The following NEGR1 variants were observed in gnomAD, a reference collection of about 807,000 sequenced individuals.
The protein encoded by NEGR1 is neuronal growth regulator 1.
NEGR1 carries 10 observed loss-of-function variants against 40.9 expected under a neutral mutation model. The ratio of observed to expected loss-of-function variants is 0.24; its 90% CI spans 0.15 to 0.42. The LOEUF is 0.42. Ranked by LOEUF, NEGR1 falls within the 10% of genes least tolerant of loss-of-function variation. NEGR1 has a pLI of 1.00. For synonymous variants in NEGR1, 185 were observed against 166.8 expected, an observed-to-expected ratio of 1.11 and a Z score of -0.84; for missense variants, 352 against 438.9, an observed-to-expected ratio of 0.80 and a Z score of 1.77.
chr1:72,148,014 A>G (rs1188368439), intron 1 of NEGR1, among the ~76,000 whole-genome samples: 2 of 151,976 alleles, frequency 1.3e-5, no homozygotes, highest in African/African-American at 4.8e-5. Context: ...TTCCAGGTGC[A>G]TGGTGCAAGC....
intron 1 of NEGR1, among the ~76,000 whole-genome samples, chr1:72,239,942 A>G (rs1451279723): frequency 6.6e-6 from 1 of 151,838 alleles, no homozygotes; most frequent in Non-Finnish European, 1.5e-5. Context: ...AGGTCATGGA[A>G]AATGTGTATT....
intron 6 of NEGR1, among the ~76,000 whole-genome samples, chr1:71,423,591 A>G (rs1233121200): frequency 6.6e-6 from 1 of 152,170 alleles, no homozygotes; most frequent in Non-Finnish European, 1.5e-5. Flanking sequence ...GTCCTTTTCC[A>G]GCATTTCAAA....
At chr1:71,857,744 TTTA>T (rs2101819707) in intron 2 of NEGR1, among the ~76,000 whole-genome samples, 1 of 151,988 alleles carries the variant, frequency 6.6e-6, no homozygotes, top group African/African-American at 2.4e-5. Context: ...ATATGGTGCT[TTTA>T]TTATCTTTTG....
At chr1:71,501,128 G>A (rs570892435) in intron 6 of NEGR1, among the ~76,000 whole-genome samples, 31 of 151,988 alleles carry the variant, frequency 2.0e-4, no homozygotes, top group Non-Finnish European at 4.0e-4. Context: ...GATTGTCAAT[G>A]TATCTATTTA....
rs57576840 is a variant in NEGR1, at chr1:71,780,040, C to CAAAAA, written c.410-3748_410-3744dup. ...GTGCTAAGCACTTGCATAGGAAAAC[C>CAAAAA]AAAAAAAAAAAAAAAAAAAAAAAAA... On this transcript the variant is annotated intron_variant, in intron 2 of 6. Transcript: ENST00000357731. Among the ~76,000 whole-genome samples the CAAAAA allele has an allele frequency of 1.9e-4, 19 of 99,730 alleles. 1 individual carries two copies. The highest frequency in any genetic ancestry group is 6.1e-4 in the African/African-American group (13 of 21,208). 65.4% of individuals were successfully genotyped at this position (99,730 alleles called of 152,430 possible).
Position 72,078,639 on chromosome 1 carries a change from T to TATA in NEGR1, c.177-143329_177-143328insTAT, listed in dbSNP as rs568891295. 7.9e-3 allele frequency among the ~76,000 whole-genome samples: 978 copies of TATA among 123,556 alleles called. 11 individuals carry two copies. Among genetic ancestry groups the TATA allele is most frequent in the African/African-American group, 0.027 (921 of 33,710 alleles). 81.1% of individuals were successfully genotyped at this position (123,556 alleles called of 152,430 possible). A position where few individuals can be genotyped will look rare whatever the true frequency, so the allele number is the denominator to read the frequency against. On this transcript the variant is annotated intron_variant, in intron 1 of 6. Transcript: ENST00000357731. ...TACACTCATATATATATATATATAT[T>TATA]TATTTATTTTTTTTTTTGAGATGGA... is the stretch of plus-strand genomic sequence containing the variant.
At chr1:71,501,250 G>A (rs1020065466) in intron 6 of NEGR1, among the ~76,000 whole-genome samples, 5 of 152,012 alleles carry the variant, frequency 3.3e-5, no homozygotes, top group African/African-American at 7.2e-5. Flanking sequence ...GCATATATAC[G>A]CAAATGATTT....
intron 1 of NEGR1, among the ~76,000 whole-genome samples, chr1:72,108,191 C>T (rs1263670209): frequency 6.6e-6 from 1 of 151,526 alleles, no homozygotes; most frequent in Non-Finnish European, 1.5e-5. Context: ...ACTCATAAAT[C>T]CATAAGATGG....
intron 4 of NEGR1, among the ~76,000 whole-genome samples, chr1:71,628,639 C>T (rs1245239586): frequency 6.6e-6 from 1 of 151,922 alleles, no homozygotes; most frequent in African/African-American, 2.4e-5. Flanking sequence ...TGTTCAACTC[C>T]CACTTATGAG....
chr1:71,593,850 C>T (rs942953189), intron 5 of NEGR1, among the ~76,000 whole-genome samples: 1 of 152,168 alleles, frequency 6.6e-6, no homozygotes, highest in Non-Finnish European at 1.5e-5. Flanking sequence ...ACTTATCTCT[C>T]TTTTTCTAAT....
chr1:71,434,902 T>C (rs1646496930), intron 6 of NEGR1, among the ~76,000 whole-genome samples: 1 of 152,112 alleles, frequency 6.6e-6, no homozygotes, highest in Admixed American at 6.5e-5. Flanking sequence ...CCATCCTGGC[T>C]AAAACGGTGA....
intron 6 of NEGR1, among the ~76,000 whole-genome samples, chr1:71,432,581 C>G (rs1646477106): frequency 6.6e-6 from 1 of 152,178 alleles, no homozygotes; most frequent in Admixed American, 6.5e-5. Context: ...CTTCCCCTCC[C>G]TGTTATTTCA....
chr1:71,607,529 A>G (rs1432207119), intron 5 of NEGR1, among the ~76,000 whole-genome samples: 1 of 152,156 alleles, frequency 6.6e-6, no homozygotes, highest in Non-Finnish European at 1.5e-5. Context: ...CAAATTACTT[A>G]AAAGCATTCT....
chr1:71,416,521 T>C (rs1646357163), intron 6 of NEGR1, among the ~76,000 whole-genome samples: 1 of 152,214 alleles, frequency 6.6e-6, no homozygotes. Flanking sequence ...AGTGATTATC[T>C]GGCCTTGTAG....
intron 6 of NEGR1, among the ~76,000 whole-genome samples, chr1:71,494,918 C>T (rs182963620): frequency 8.5e-4 from 129 of 152,262 alleles, no homozygotes; most frequent in Non-Finnish European, 2.4e-4. Context: ...AAACCTTTCT[C>T]TTTCTCTTCC....
intron 1 of NEGR1, among the ~76,000 whole-genome samples, chr1:72,046,092 A>C (rs550791467): frequency 5.3e-5 from 8 of 151,904 alleles, no homozygotes; most frequent in African/African-American, 1.7e-4. Flanking sequence ...AAGACTAATG[A>C]GGAAAAACTG....
At chr1:71,647,124 AAAGT>A (rs1651557454) in intron 4 of NEGR1, among the ~76,000 whole-genome samples, 1 of 151,790 alleles carries the variant, frequency 6.6e-6, no homozygotes, top group Non-Finnish European at 1.5e-5. Context: ...TATTGGCCCT[AAAGT>A]GTTCAGGGCT....
chr1:72,256,935 T>C (rs150004033), intron 1 of NEGR1, among the ~76,000 whole-genome samples: 113 of 145,930 alleles, frequency 7.7e-4, no homozygotes, highest in African/African-American at 3.1e-3. Flanking sequence ...GTTAACAGAA[T>C]AGTTTCTAGA....
intron 2 of NEGR1, among the ~76,000 whole-genome samples, chr1:71,858,009 C>A: frequency 6.6e-6 from 1 of 152,072 alleles, no homozygotes; most frequent in South Asian, 2.1e-4. Flanking sequence ...CTTTTCTTTT[C>A]AACTCTCTAA....
Sources: allele counts gnomAD v4.1 joint callset (sites outside exome capture counted in the v4.1 genomes callset), GRCh38; gene constraint gnomAD v4.1.1; transcripts MANE v1.5; gene names NCBI Gene and HGNC (gene_info 2026-07-23, HGNC 2026-07-21).